The following XKR4 variants were observed in gnomAD, a reference collection of about 807,000 sequenced individuals.
The protein encoded by XKR4 is XK related 4.
A neutral mutation model predicts 53.9 loss-of-function variants in XKR4; 12 were observed. The observed-to-expected ratio is 0.22, with a 90% CI of 0.14 to 0.36. The LOEUF (loss-of-function observed/expected upper bound fraction) is 0.36. Ranked by LOEUF, XKR4 falls within the 10% of genes least tolerant of loss-of-function variation. XKR4 has a pLI of 1.00. For synonymous variants in XKR4, 354 were observed against 362.4 expected (o/e 0.98, Z 0.26); for missense variants, 799 against 859.5 (o/e 0.93, Z 0.88).
intron 1 of XKR4, among the ~76,000 whole-genome samples, chr8:55,303,524 G>A (rs1385843089): frequency 6.6e-6 from 1 of 152,210 alleles, no homozygotes; most frequent in East Asian, 1.9e-4. Flanking sequence ...AATGAGTTAA[G>A]GAGGATTCCC....
At chr8:55,467,906 C>A (rs181822805) in intron 2 of XKR4, among the ~76,000 whole-genome samples, 45 of 152,142 alleles carry the variant, frequency 3.0e-4, no homozygotes, top group African/African-American at 1.1e-3. Context: ...TTTATGGTTT[C>A]TATAGTATTT....
intron 1 of XKR4, chr8:55,164,032 C>T (rs1042536559): frequency 3.5e-5 from 12 of 342,432 alleles, no homozygotes; most frequent in Non-Finnish European, 6.4e-5. Context: ...ACACATCCCT[C>T]GCACACATGC....
At chr8:55,282,493 G>A (rs964365962) in intron 1 of XKR4, among the ~76,000 whole-genome samples, 14 of 152,164 alleles carry the variant, frequency 9.2e-5, no homozygotes, top group Admixed American at 9.2e-4. Flanking sequence ...GAAGAGGGGA[G>A]CAGGCATCAC....
intron 1 of XKR4, among the ~76,000 whole-genome samples, chr8:55,189,158 G>T (rs2129360762): frequency 6.6e-6 from 1 of 152,232 alleles, no homozygotes; most frequent in Middle Eastern, 3.4e-3. Flanking sequence ...TAGGGTGCCT[G>T]TTAAATTTAT....
At chr8:55,476,422 C>A (rs1585595451) in intron 2 of XKR4, among the ~76,000 whole-genome samples, 2 of 152,102 alleles carry the variant, frequency 1.3e-5, no homozygotes, top group East Asian at 3.9e-4. Flanking sequence ...TAGAAATAAA[C>A]ACATCTGAGC....
chr8:55,158,994 GT>G (rs1282416277), intron 1 of XKR4, among the ~76,000 whole-genome samples: 1 of 152,092 alleles, frequency 6.6e-6, no homozygotes, highest in Admixed American at 6.6e-5. Flanking sequence ...AATTTTAAAC[GT>G]TTTTTTCCAA....
chr8:55,423,281 G>C (rs1311754017), intron 2 of XKR4, among the ~76,000 whole-genome samples: 1 of 152,122 alleles, frequency 6.6e-6, no homozygotes, highest in Non-Finnish European at 1.5e-5. Flanking sequence ...TTTTAGTAGA[G>C]AAGGGGTTTC....
chr8:55,217,358 A>T (rs1817817717), intron 1 of XKR4, among the ~76,000 whole-genome samples: 2 of 152,218 alleles, frequency 1.3e-5, no homozygotes, highest in Non-Finnish European at 2.9e-5. Context: ...TCAAATTTAA[A>T]CTACAAAGTG....
intron 1 of XKR4, among the ~76,000 whole-genome samples, chr8:55,113,861 T>C (rs1816269248): frequency 6.6e-6 from 1 of 152,204 alleles, no homozygotes; most frequent in South Asian, 2.1e-4. Context: ...TCACTTAGGA[T>C]AATGACCTCC....
Position 55,540,425 on chromosome 8 carries a change from T to C in XKR4, c.*16198T>C, listed in dbSNP as rs1807086043. The C allele has an allele frequency of 6.6e-6, 1 of 152,142 alleles. No individual in the cohort carries two copies. The highest frequency in any genetic ancestry group is 6.5e-5 in the Admixed American group (1 of 15,268). 9.4% of individuals were successfully genotyped at this position (152,142 alleles called of 1,614,324 possible). On this transcript the variant is annotated 3_prime_UTR_variant, in exon 3 of 3. Coordinates refer to ENST00000327381, the MANE Select transcript of XKR4 (RefSeq NM_052898.2). The stretch of plus-strand genomic sequence containing the variant: ...TAGATGGTATCAAATAAGAAAAAAA[T>C]GCATCATTTGGTCAATTGCTTATTG...
At position 55,523,497 on chromosome 8, in the gene XKR4, A is replaced by C; in HGVS notation, c.1223A>C (p.His408Pro). ...TACTTTGGGATCTTCATCGTCCTTC[A>C]CTGGTGCATCATGACCTTCTGGATC... ...QLYFGIFIVL[H>P]WCIMTFWIVH... is the part of the protein sequence containing the mutation. The change falls in exon 3 of 3, where the codon CAC becomes CCC. Residue 408 changes from histidine (H) to proline (P), a missense_variant. By Grantham distance (77) the His-to-Pro change is moderately conservative. Transcript: ENST00000327381. 1 of 1,614,124 alleles carries C rather than the reference A, an allele frequency of 6.2e-7. No individual in the cohort carries two copies. Among genetic ancestry groups the C allele is most frequent in the Non-Finnish European group, 8.5e-7 (1 of 1,180,030 alleles).
chr8:55,303,256 C>T (rs983288589), intron 1 of XKR4, among the ~76,000 whole-genome samples: 1 of 151,978 alleles, frequency 6.6e-6, no homozygotes, highest in Admixed American at 6.6e-5. Flanking sequence ...TGATATAATC[C>T]TGTGGTTTTT....
chr8:55,420,086 TG>T (rs1304087938), intron 2 of XKR4, among the ~76,000 whole-genome samples: 1 of 152,196 alleles, frequency 6.6e-6, no homozygotes, highest in Non-Finnish European at 1.5e-5. Flanking sequence ...TGGTTTGTTT[TG>T]TTTTGATGTG....
intron 1 of XKR4, among the ~76,000 whole-genome samples, chr8:55,338,259 C>T (rs369944906): frequency 1.3e-5 from 2 of 152,212 alleles, no homozygotes; most frequent in South Asian, 2.1e-4. Flanking sequence ...CCCACACAAT[C>T]CTTGGTGAGA....
chr8:55,131,945 C>T (rs867390472), intron 1 of XKR4, among the ~76,000 whole-genome samples: 1 of 152,100 alleles, frequency 6.6e-6, no homozygotes, highest in African/African-American at 2.4e-5. Flanking sequence ...GAGAGCCATT[C>T]TGGGGATAAA....
At chr8:55,317,319 G>A (rs16921590) in intron 1 of XKR4, among the ~76,000 whole-genome samples, 30,943 of 152,038 alleles carry the variant, frequency 0.2, 4,126 homozygotes, top group East Asian at 0.48. Flanking sequence ...CGAAATGATT[G>A]ATCACAGGTA....
intron 1 of XKR4, among the ~76,000 whole-genome samples, chr8:55,176,460 C>CGTGT (rs140783138): frequency 6.6e-6 from 1 of 151,382 alleles, no homozygotes; most frequent in Admixed American, 6.6e-5. Context: ...AGTGTGTGTG[C>CGTGT]GTGTGTGTGT....
chr8:55,473,790 C>T (rs1805929497), intron 2 of XKR4, among the ~76,000 whole-genome samples: 1 of 150,934 alleles, frequency 6.6e-6, no homozygotes, highest in Admixed American at 6.6e-5. Context: ...AACAGATTCT[C>T]TTTCCTTCCT....
At position 55,532,125 on chromosome 8, in the gene XKR4, A is replaced by C. The variant is rs904211162; in HGVS notation, c.*7898A>C. The C allele has an allele frequency of 6.6e-6, 1 of 152,212 alleles. No individual in the cohort carries two copies. Among genetic ancestry groups the C allele is most frequent in the African/African-American group, 2.4e-5 (1 of 41,446 alleles). 9.4% of individuals were successfully genotyped at this position (152,212 alleles called of 1,614,324 possible). On this transcript the variant is annotated 3_prime_UTR_variant, in exon 3 of 3. Coordinates refer to ENST00000327381, the MANE Select transcript of XKR4 (RefSeq NM_052898.2). ...GAATATATAAACCCATTGGCCCTCT[A>C]AGGAGTAGAAGAAAAGAGAGAAGAA...
Sources: gnomAD v4.1 joint callset for allele counts (sites outside exome capture counted in the v4.1 genomes callset) on GRCh38, gnomAD v4.1.1 for gene constraint, MANE v1.5 for transcripts, NCBI Gene and HGNC (gene_info 2026-07-23, HGNC 2026-07-21) for gene names.